KCNMA1: variants seen among roughly 807,000 people sequenced by gnomAD.
The protein encoded by KCNMA1 is Calcium-activated potassium channel subunit alpha-1.
KCNMA1 carries 29 observed loss-of-function variants against 140.0 expected under a neutral mutation model. The ratio of observed to expected loss-of-function variants is 0.21; its 90% CI spans 0.15 to 0.28. The LOEUF is 0.28. Ranked by LOEUF, KCNMA1 falls within the 10% of genes least tolerant of loss-of-function variation. The probability of loss-of-function intolerance (pLI) is 1.00; values close to 1 mark genes in which losing one functional copy is unlikely to be tolerated. For missense variants in KCNMA1, 880 were observed against 1,602.2 expected (o/e 0.55, Z 7.70); for synonymous variants, 612 against 611.9 (o/e 1.00, Z 0.00).
chr10:77,469,205 G>A (rs2098099899), intron 1 of KCNMA1, among the ~76,000 whole-genome samples: 1 of 151,990 alleles, frequency 6.6e-6, no homozygotes, highest in Non-Finnish European at 1.5e-5. Flanking sequence ...GCTACTCCTT[G>A]GTTTATCAAT....
chr10:77,547,688 AG>A (rs2061762557), intron 1 of KCNMA1, among the ~76,000 whole-genome samples: 1 of 152,230 alleles, frequency 6.6e-6, no homozygotes, highest in African/African-American at 2.4e-5. Context: ...GTTTTGAAGC[AG>A]AGGCTAAGGA....
chr10:76,981,164 T>C (rs2079305493), intron 19 of KCNMA1, among the ~76,000 whole-genome samples: 1 of 152,106 alleles, frequency 6.6e-6, no homozygotes, highest in African/African-American at 2.4e-5. Context: ...CATGGGTCCA[T>C]ACTCTCTCTC....
At chr10:76,940,998 A>AAGGAAGGAAGGAAGGAAGG (rs2061823952) in intron 23 of KCNMA1, among the ~76,000 whole-genome samples, 12 of 63,300 alleles carry the variant, frequency 1.9e-4, no homozygotes, top group African/African-American at 8.0e-4. Flanking sequence ...AGAGAGAAAG[A>AAGGAAGGAAGGAAGGAAGG]AAGGAAGGAA....
intron 5 of KCNMA1, among the ~76,000 whole-genome samples, chr10:77,126,363 A>C: frequency 6.6e-6 from 1 of 152,142 alleles, no homozygotes; most frequent in East Asian, 1.9e-4. Flanking sequence ...AAATGGACTT[A>C]TCTGTGTTTT....
chr10:77,252,525 TTGTGTGTG>T (rs139774027), intron 2 of KCNMA1, among the ~76,000 whole-genome samples: 6 of 145,728 alleles, frequency 4.1e-5, no homozygotes, highest in South Asian at 2.3e-4. Flanking sequence ...TGATCAAGCT[TTGTGTGTG>T]TGTGTGTGTG....
chr10:77,236,251 A>G (rs1474302909), intron 3 of KCNMA1, among the ~76,000 whole-genome samples: 2 of 152,188 alleles, frequency 1.3e-5, no homozygotes, highest in African/African-American at 4.8e-5. Context: ...TGAAAGCACC[A>G]TATTTGGATC....
intron 3 of KCNMA1, among the ~76,000 whole-genome samples, chr10:77,221,152 AATTTCTTCATGTCTTCCATC>A (rs1441781952): frequency 6.6e-6 from 1 of 152,164 alleles, no homozygotes; most frequent in East Asian, 1.9e-4. Flanking sequence ...ACTGCTTGCT[AATTTCTTCATGTCTTCCATC>A]CAGTTCCTCT....
intron 14 of KCNMA1, among the ~76,000 whole-genome samples, chr10:77,059,244 C>T (rs2095652170): frequency 6.6e-6 from 1 of 151,792 alleles, no homozygotes; most frequent in Non-Finnish European, 1.5e-5. Flanking sequence ...TAGGCCCAAA[C>T]CTAGTAGTAT....
At chr10:77,400,079 C>A (rs769792169) in intron 2 of KCNMA1, among the ~76,000 whole-genome samples, 20 of 152,342 alleles carry the variant, frequency 1.3e-4, no homozygotes, top group Non-Finnish European at 2.5e-4. Context: ...TCTGGTCTTG[C>A]TTTGGTCCCA....
chr10:77,426,422 T>C (rs2096992618), intron 1 of KCNMA1, among the ~76,000 whole-genome samples: 1 of 152,230 alleles, frequency 6.6e-6, no homozygotes, highest in South Asian at 2.1e-4. Flanking sequence ...TGTACTATTA[T>C]TATGCCCATT....
intron 2 of KCNMA1, among the ~76,000 whole-genome samples, chr10:77,368,859 T>G (rs2094517434): frequency 6.6e-6 from 1 of 152,252 alleles, no homozygotes; most frequent in African/African-American, 2.4e-5. Flanking sequence ...GTTGTAGGTC[T>G]ATTTTTGGAC....
intron 1 of KCNMA1, among the ~76,000 whole-genome samples, chr10:77,613,514 C>A (rs1031818051): frequency 6.6e-6 from 1 of 152,200 alleles, no homozygotes; most frequent in South Asian, 2.1e-4. Flanking sequence ...GCCAAGGGAG[C>A]CCTCCTTATA....
intron 1 of KCNMA1, among the ~76,000 whole-genome samples, chr10:77,579,953 T>C (rs904381774): frequency 2.0e-5 from 3 of 152,218 alleles, no homozygotes; most frequent in Admixed American, 1.3e-4. Context: ...CCTCTCGTCC[T>C]AGCAAACCAG....
chr10:76,907,141 G>A (rs569767689), intron 25 of KCNMA1, among the ~76,000 whole-genome samples: 1 of 152,174 alleles, frequency 6.6e-6, no homozygotes, highest in African/African-American at 2.4e-5. Flanking sequence ...CCAGATTCCT[G>A]ATACCCTTTT....
chr10:77,232,675 T>C (rs1383412457), intron 3 of KCNMA1, among the ~76,000 whole-genome samples: 1 of 152,220 alleles, frequency 6.6e-6, no homozygotes, highest in Non-Finnish European at 1.5e-5. Flanking sequence ...AGGTCCAATT[T>C]ATCTACTTTT....
chr10:76,945,188 T>C (rs2063576444), intron 22 of KCNMA1, among the ~76,000 whole-genome samples: 1 of 152,144 alleles, frequency 6.6e-6, no homozygotes, highest in Non-Finnish European at 1.5e-5. Context: ...TAAAGGGTAG[T>C]CGGTGCTGAT....
intron 5 of KCNMA1, among the ~76,000 whole-genome samples, chr10:77,146,195 G>A (rs374503670): frequency 5.3e-4 from 81 of 152,214 alleles, no homozygotes; most frequent in African/African-American, 1.9e-3. Context: ...TTTAGGGGAC[G>A]ATCCACCAGC....
In KCNMA1 at chr10:76,891,656, C is replaced by G; in HGVS notation, c.3211G>C (p.Glu1071Gln). The change falls in exon 26 of 28, where the codon GAG (glutamate) becomes CAG (glutamine). Residue 1071 changes from glutamate (E) to glutamine (Q), a missense_variant. Transcript: ENST00000286628. ...RTLVTGGATP[E>Q]LEALIAEENA... Reference sequence around the variant, plus strand: ...TCCTCAGCAATCAGAGCCTCCAGCTCCGGCGTGGCTCCTCCGGTCACCAGG... The same window carrying G: ...TCCTCAGCAATCAGAGCCTCCAGCTGCGGCGTGGCTCCTCCGGTCACCAGG... The G allele has an allele frequency of 6.2e-7, 1 of 1,614,108 alleles. No individual in the cohort carries two copies.
At chr10:77,529,233 TC>T (rs1359395870) in intron 1 of KCNMA1, among the ~76,000 whole-genome samples, 1 of 126,776 alleles carries the variant, frequency 7.9e-6, no homozygotes, top group East Asian at 3.1e-4. Context: ...TGCCCTCCCC[TC>T]TTTTTCCCCC....
Sources: allele counts gnomAD v4.1 joint callset (sites outside exome capture counted in the v4.1 genomes callset), GRCh38; gene constraint gnomAD v4.1.1; transcripts MANE v1.5; gene names NCBI Gene and HGNC (gene_info 2026-07-23, HGNC 2026-07-21).